RSPO1: variants seen among roughly 807,000 people sequenced by gnomAD.
RSPO1 encodes the protein R-spondin 1.
RSPO1 carries 18 observed loss-of-function variants against 26.0 expected under a neutral mutation model. The observed-to-expected ratio is 0.69, with a 90% confidence interval of 0.48 to 1.03. The LOEUF is 1.03. RSPO1 is among the 50% of genes least tolerant of loss of function. The pLI, the probability that RSPO1 is intolerant of heterozygous loss-of-function variation, is 0.00. For synonymous variants in RSPO1, 133 were observed against 137.4 expected (o/e 0.97, Z 0.22); for missense variants, 309 against 352.3 (o/e 0.88, Z 0.98).
At chr1:37,633,486 T>C (rs1242268530) in intron 1 of RSPO1, among the ~76,000 whole-genome samples, 3 of 152,140 alleles carry the variant, frequency 2.0e-5, no homozygotes, top group Non-Finnish European at 4.4e-5. Context: ...TGGAATCACT[T>C]TCACCTTCTT....
rs574294151 is a variant in RSPO1 at position 37,615,532 on chromosome 1, G to A, written c.286+952C>T. 1.1e-4 allele frequency among the ~76,000 whole-genome samples: 16 copies of A among 152,270 alleles called. No homozygotes were observed. The East Asian group carries it at 2.7e-3, about 26-fold the overall frequency. ...GTCTTGGACCAGTCATTTACCCTCCGGGCCTGAATGTTGTCAGCCCTGAAA... is the reference window on the plus strand; with the variant it reads ...GTCTTGGACCAGTCATTTACCCTCCAGGCCTGAATGTTGTCAGCCCTGAAA... On this transcript the variant is annotated intron_variant, in intron 4 of 6. Coordinates refer to ENST00000356545, the MANE Select transcript of RSPO1 (RefSeq NM_001242908.2).
At position 37,612,557 on chromosome 1, in the gene RSPO1, A is replaced by G. The variant is rs776425655; in HGVS notation, c.*198T>C. 3.1e-6 allele frequency: 2 copies of G among 651,902 alleles called. No homozygotes were observed. Among genetic ancestry groups the G allele is most frequent in the Non-Finnish European group, 5.6e-6 (2 of 359,854 alleles). The allele number at this position is 651,902 out of a possible 1,614,324, so 40.4% of individuals were successfully genotyped here. ...GTGGTGTCTGTGTCTGCGTGTGTAC[A>G]TGAACACACATGTGCAAGTATGTAT... On this transcript the variant is annotated 3_prime_UTR_variant, in exon 7 of 7. Coordinates refer to ENST00000356545, the MANE Select transcript of RSPO1 (RefSeq NM_001242908.2).
chr1:37,621,114 T>A (rs1346509635), intron 3 of RSPO1, among the ~76,000 whole-genome samples: 3 of 152,090 alleles, frequency 2.0e-5, no homozygotes, highest in African/African-American at 7.2e-5. Flanking sequence ...GCACCATCAA[T>A]GGCACCGCAG....
At chr1:37,626,743 T>C (rs1208527494) in intron 3 of RSPO1, among the ~76,000 whole-genome samples, 4 of 151,886 alleles carry the variant, frequency 2.6e-5, no homozygotes, top group Non-Finnish European at 5.9e-5. Context: ...CAGGGCTCAA[T>C]GAAGGAATGA....
intron 2 of RSPO1, 47 bp from the exon 3 acceptor site, chr1:37,629,996 A>C (rs1644333313): frequency 1.2e-6 from 1 of 845,284 alleles, no homozygotes; most frequent in Admixed American, 2.0e-5. Flanking sequence ...TACCATGAAC[A>C]CTCCCACTTA....
chr1:37,617,569 G>A (rs1368536070), intron 3 of RSPO1, among the ~76,000 whole-genome samples: 3 of 136,214 alleles, frequency 2.2e-5, no homozygotes, highest in African/African-American at 8.1e-5. Flanking sequence ...TGAGACAGGA[G>A]AATAATCGTT....
intron 4 of RSPO1, 99 bp downstream of exon 4, chr1:37,616,385 C>G: frequency 9.0e-7 from 1 of 1,109,022 alleles, no homozygotes; most frequent in Admixed American, 1.9e-5. Flanking sequence ...CCTCAGAGCC[C>G]CCTCTGCTCC....
rs1644114808 is a variant in RSPO1, at chr1:37,616,499, T to C, written c.271A>G (p.Met91Val). ...PGYFDARNPD[M>V]NKCIKCKIEH... ...CCACACTCACTGATGCACTTGTTCA[T>C]GTCGGGGTTGCGGGCGTCGAAGTAT... is the stretch of plus-strand genomic sequence containing the variant. The change falls in exon 4 of 7, where the codon ATG becomes GTG. Residue 91 changes from methionine (M) to valine (V), a missense_variant. By Grantham distance (21) the Met-to-Val change is conservative. Transcript: ENST00000356545. The C allele has an allele frequency of 6.2e-7, 1 of 1,614,172 alleles. No homozygotes were observed. Among genetic ancestry groups the C allele is most frequent in the Non-Finnish European group, 8.5e-7 (1 of 1,180,016 alleles).
At chr1:37,621,214 G>C (rs1174394707) in intron 3 of RSPO1, among the ~76,000 whole-genome samples, 1 of 152,190 alleles carries the variant, frequency 6.6e-6, no homozygotes, top group Non-Finnish European at 1.5e-5. Context: ...AAGTTGGAGA[G>C]GGAAGCAGGG....
At chr1:37,624,914 C>A (rs1414513442) in intron 3 of RSPO1, among the ~76,000 whole-genome samples, 1 of 152,202 alleles carries the variant, frequency 6.6e-6, no homozygotes, top group African/African-American at 2.4e-5. Flanking sequence ...ATTTTTGTTT[C>A]TCTGGACATG....
At chr1:37,631,194 T>TA (rs1414052493) in intron 2 of RSPO1, among the ~76,000 whole-genome samples, 2 of 152,140 alleles carry the variant, frequency 1.3e-5, no homozygotes, top group East Asian at 3.9e-4. Flanking sequence ...CATTATCCCC[T>TA]AAGGGAGTTC....
At chr1:37,614,157 C>T in intron 5 of RSPO1, 27 bp downstream of exon 5, 1 of 1,610,824 alleles carries the variant, frequency 6.2e-7, no homozygotes, top group Non-Finnish European at 8.5e-7. Context: ...CCTGGACCCT[C>T]TGCCCACAGT....
Position 37,629,845 on chromosome 1 carries a change from C to T in RSPO1, c.-184G>A, listed in dbSNP as rs1644331051. The stretch of plus-strand genomic sequence containing the variant: ...GGGTGTGGGGAGCCCAGTTCTCCAT[C>T]AGCTCAAAGGGAGGTCCTCAAAGAG... On this transcript the variant is annotated 5_prime_UTR_variant, in exon 3 of 7. Coordinates refer to ENST00000356545, the MANE Select transcript of RSPO1 (RefSeq NM_001242908.2). 1.3e-6 allele frequency: 2 copies of T among 1,550,802 alleles called. No homozygotes were observed. Among genetic ancestry groups the T allele is most frequent in the Admixed American group, 2.0e-5 (1 of 50,976 alleles).
chr1:37,618,951 G>C (rs558002043), intron 3 of RSPO1, among the ~76,000 whole-genome samples: 8 of 152,346 alleles, frequency 5.3e-5, no homozygotes, highest in African/African-American at 1.7e-4. Flanking sequence ...GCCGGGTGCA[G>C]TAGCTCACGC....
At chr1:37,619,299 G>A (rs1307137877) in intron 3 of RSPO1, among the ~76,000 whole-genome samples, 1 of 152,204 alleles carries the variant, frequency 6.6e-6, no homozygotes, top group East Asian at 1.9e-4. Flanking sequence ...AGAGAGCTGG[G>A]AAAATCAGAA....
At chr1:37,624,471 C>G (rs1428434751) in intron 3 of RSPO1, among the ~76,000 whole-genome samples, 1 of 151,918 alleles carries the variant, frequency 6.6e-6, no homozygotes, top group Non-Finnish European at 1.5e-5. Flanking sequence ...ACCACCATCC[C>G]CCCCAACCCC....
chr1:37,633,791 C>G (rs1644396728), intron 1 of RSPO1, among the ~76,000 whole-genome samples: 1 of 152,170 alleles, frequency 6.6e-6, no homozygotes, highest in Admixed American at 6.5e-5. Context: ...CTTCTTCACC[C>G]CTCCATCACC....
In RSPO1 at chr1:37,614,209, A is replaced by T; in HGVS notation, c.411T>A (p.Asn137Lys). Residue 137 changes from asparagine to lysine, a missense_variant, in exon 5 of 7, where the codon AAT becomes AAA. By Grantham distance (94) the Asn-to-Lys change is moderately conservative. Coordinates refer to ENST00000356545, the MANE Select transcript of RSPO1 (RefSeq NM_001242908.2). ...PACPEGSSAA[N>K]GTMECSSPAQ... ...CAGGACTACTGCACTCCATGGTGCC[A>T]TTGGCAGCTGAGGAGCCCTCGGGAC... 1 of 1,613,224 alleles carries T rather than the reference A, an allele frequency of 6.2e-7. No homozygotes were observed. Among genetic ancestry groups the T allele is most frequent in the East Asian group, 2.2e-5 (1 of 44,866 alleles).
chr1:37,613,926 A>G lies in RSPO1; in HGVS notation c.437-34T>C. ...AAGAGAAGGGAAGGGAGAGAAGGAC[A>G]AGGAGGAGGGGATCATGTCTCCTCC... On this transcript the variant is annotated intron_variant, in intron 5 of 6. Coordinates refer to ENST00000356545, the MANE Select transcript of RSPO1 (RefSeq NM_001242908.2). The surrounding 1 kb of genome is among the most constrained non-coding windows in gnomAD (Gnocchi z 4.5). The G allele has an allele frequency of 6.2e-7, 1 of 1,607,568 alleles. No individual in the cohort carries two copies. Among genetic ancestry groups the G allele is most frequent in the Non-Finnish European group, 8.5e-7 (1 of 1,174,402 alleles).
Sources: allele counts gnomAD v4.1 joint callset (sites outside exome capture counted in the v4.1 genomes callset), GRCh38; gene constraint gnomAD v4.1.1; non-coding constraint Gnocchi (gnomAD v3.1); transcripts MANE v1.5; gene names NCBI Gene and HGNC (gene_info 2026-07-23, HGNC 2026-07-21).